CYP2C18: variants seen among roughly 807,000 people sequenced by gnomAD.
CYP2C18 encodes cytochrome P450 family 2 subfamily C member 18.
Under a neutral mutation model 41.3 loss-of-function variants are expected in CYP2C18, and 38 were observed. The observed-to-expected ratio is 0.92, with a 90% CI of 0.71 to 1.21. CYP2C18 has a LOEUF of 1.21. CYP2C18 is among the 50% of genes most tolerant of loss of function. CYP2C18 has a pLI of 0.00. For missense variants in CYP2C18, 635 were observed against 591.4 expected (o/e 1.07, Z -0.77); for synonymous variants, 236 against 210.0 (o/e 1.12, Z -1.07).
chr10:94,734,578 A>G lies in CYP2C18; in HGVS notation c.1292-685A>G, dbSNP rs1347547400. 2.0e-5 allele frequency among the ~76,000 whole-genome samples: 3 copies of G among 152,192 alleles called. No homozygotes were observed. In the South Asian group the frequency reaches 6.2e-4, roughly 31 times the overall value. Reference sequence around the variant, plus strand: ...ATGGGGCATAGCTTCTGAAGGAAGCATAGGAGTAGAGCTTTTTAGGCAGAT... The same window carrying G: ...ATGGGGCATAGCTTCTGAAGGAAGCGTAGGAGTAGAGCTTTTTAGGCAGAT... On this transcript the variant is annotated intron_variant, in intron 8 of 8. Coordinates refer to ENST00000285979, the MANE Select transcript of CYP2C18 (RefSeq NM_000772.3).
intron 4 of CYP2C18, among the ~76,000 whole-genome samples, chr10:94,705,266 A>C (rs1048232373): frequency 6.6e-5 from 10 of 152,224 alleles, no homozygotes; most frequent in Admixed American, 6.5e-4. Flanking sequence ...CAGGAGCAGA[A>C]AACCAAGCAC....
chr10:94,727,015 G>A (rs569918536), intron 7 of CYP2C18, among the ~76,000 whole-genome samples: 16 of 152,154 alleles, frequency 1.1e-4, no homozygotes, highest in Non-Finnish European at 1.6e-4. Flanking sequence ...ATTGAGCACC[G>A]GAAGTGTAAT....
intron 5 of CYP2C18, among the ~76,000 whole-genome samples, chr10:94,718,235 T>C (rs529666468): frequency 6.6e-5 from 10 of 152,254 alleles, no homozygotes; most frequent in Middle Eastern, 3.4e-3. Context: ...TTAAAATTTC[T>C]TTTTCATATC....
At chr10:94,707,035 A>C in intron 5 of CYP2C18, 75 bp downstream of exon 5, 1 of 1,279,270 alleles carries the variant, frequency 7.8e-7, no homozygotes, top group Non-Finnish European at 1.1e-6. Context: ...ATAGTGAGGC[A>C]AGAAACACTT....
At chr10:94,701,788 G>A (rs1240994096) in intron 4 of CYP2C18, among the ~76,000 whole-genome samples, 2 of 152,132 alleles carry the variant, frequency 1.3e-5, no homozygotes, top group Non-Finnish European at 2.9e-5. Flanking sequence ...GAGTGAATGA[G>A]CCTGACCTAA....
At chr10:94,713,554 C>T (rs1484461812) in intron 5 of CYP2C18, among the ~76,000 whole-genome samples, 1 of 152,156 alleles carries the variant, frequency 6.6e-6, no homozygotes, top group Non-Finnish European at 1.5e-5. Flanking sequence ...TGTATATGTG[C>T]CACATTTTCT....
chr10:94,703,609 C>T (rs1054532307), intron 4 of CYP2C18, among the ~76,000 whole-genome samples: 2 of 152,210 alleles, frequency 1.3e-5, no homozygotes, highest in South Asian at 2.1e-4. Context: ...CATCCGAGGT[C>T]GACTTCAGAC....
intron 5 of CYP2C18, among the ~76,000 whole-genome samples, chr10:94,717,505 C>T (rs7895106): frequency 0.029 from 4,367 of 152,034 alleles, 186 homozygotes; most frequent in African/African-American, 0.087. Context: ...TGTTGAATAT[C>T]GGCCCCCACT....
At chr10:94,724,716 T>C (rs1464027231) in intron 7 of CYP2C18, among the ~76,000 whole-genome samples, 183 bp downstream of exon 7, 1 of 152,138 alleles carries the variant, frequency 6.6e-6, no homozygotes, top group Non-Finnish European at 1.5e-5. Flanking sequence ...GGTCTCAGTA[T>C]CTAGCAGTGT....
chr10:94,694,880 A>G lies in CYP2C18; in HGVS notation c.482-37A>G. On this transcript the variant is annotated intron_variant, in intron 3 of 8. Coordinates refer to ENST00000285979, the MANE Select transcript of CYP2C18 (RefSeq NM_000772.3). ...CAAAGACAAAGTATTTTATATGTAT[A>G]TTTTAATGGTAATTTAAAATATTTC... The G allele has an allele frequency of 3.1e-6, 5 of 1,597,126 alleles. No individual in the cohort carries two copies. In the South Asian group the frequency reaches 5.6e-5, roughly 18 times the overall value.
At chr10:94,702,551 A>C (rs1025713475) in intron 4 of CYP2C18, among the ~76,000 whole-genome samples, 3 of 151,718 alleles carry the variant, frequency 2.0e-5, no homozygotes, top group Non-Finnish European at 4.4e-5. Context: ...TGTATGCTTC[A>C]TGAAGTTCTT....
intron 7 of CYP2C18, among the ~76,000 whole-genome samples, chr10:94,731,170 T>G (rs1847825764): frequency 6.6e-6 from 1 of 151,708 alleles, no homozygotes; most frequent in Non-Finnish European, 1.5e-5. Flanking sequence ...CACAAGGTCA[T>G]GAGATCAAGA....
Position 94,683,986 on chromosome 10 carries a change from ATGTAAGTATGCTT to A in CYP2C18, c.168+1_168+13del. ...AAGGACATGAGCAAATCCTTAACCAATGTAAGTATGCTTTATGTTCCTCCAGTAATGTACAAGG... is the reference window on the plus strand; with the variant it reads ...AAGGACATGAGCAAATCCTTAACCAATATGTTCCTCCAGTAATGTACAAGG... On this transcript the variant is annotated splice_donor_variant and splice_donor_5th_base_variant and coding_sequence_variant and intron_variant, in exon 1 of 9. Coordinates refer to ENST00000285979, the MANE Select transcript of CYP2C18 (RefSeq NM_000772.3). LOFTEE classifies it high-confidence loss of function. 6.3e-7 allele frequency: 1 copy of A among 1,597,978 alleles called. No homozygotes were observed. Among genetic ancestry groups the A allele is most frequent in the Non-Finnish European group, 8.5e-7 (1 of 1,171,066 alleles).
At chr10:94,715,746 C>A (rs548895586) in intron 5 of CYP2C18, among the ~76,000 whole-genome samples, 1 of 152,226 alleles carries the variant, frequency 6.6e-6, no homozygotes, top group South Asian at 2.1e-4. Flanking sequence ...GGAATAGTTT[C>A]AGAAGGAATG....
intron 5 of CYP2C18, among the ~76,000 whole-genome samples, chr10:94,714,643 A>G (rs552164687): frequency 6.6e-6 from 1 of 152,250 alleles, no homozygotes; most frequent in African/African-American, 2.4e-5. Flanking sequence ...TTGACTCAGG[A>G]TTGACTTGGC....
chr10:94,698,031 G>A (rs550041340), intron 4 of CYP2C18, among the ~76,000 whole-genome samples: 2 of 152,200 alleles, frequency 1.3e-5, no homozygotes, highest in Non-Finnish European at 2.9e-5. Flanking sequence ...CAATAATAAT[G>A]GGAGACTTTA....
rs1019005252 is a variant in CYP2C18 at position 94,719,653 on chromosome 10, C to T, written c.820-743C>T. On this transcript the variant is annotated intron_variant, in intron 5 of 8. Coordinates refer to ENST00000285979, the MANE Select transcript of CYP2C18 (RefSeq NM_000772.3). ...GCAGTGGTGTGATCTCGGCTCACTG[C>T]AACCTCCGTCTCCTGGGTTCAAGTG... Among the ~76,000 whole-genome samples, 6 of 151,656 alleles carry T rather than the reference C, an allele frequency of 4.0e-5. No individual in the cohort carries two copies. The South Asian group carries it at 1.0e-3, about 26-fold the overall frequency.
chr10:94,697,752 C>T (rs1470120360), intron 4 of CYP2C18, among the ~76,000 whole-genome samples: 1 of 152,092 alleles, frequency 6.6e-6, no homozygotes, highest in Non-Finnish European at 1.5e-5. Flanking sequence ...TGTACAGAGA[C>T]ATACATAGGC....
chr10:94,720,335 T>C, intron 5 of CYP2C18, 61 bp from the exon 6 acceptor site: 1 of 1,465,874 alleles, frequency 6.8e-7, no homozygotes, highest in Non-Finnish European at 9.2e-7. Flanking sequence ...TATTTTGGAT[T>C]TTTTGTAATT....
Sources: allele counts gnomAD v4.1 joint callset (sites outside exome capture counted in the v4.1 genomes callset), GRCh38; gene constraint gnomAD v4.1.1; transcripts MANE v1.5; gene names NCBI Gene and HGNC (gene_info 2026-07-23, HGNC 2026-07-21).